Variants in ENOX1 observed in about 807,000 individuals in gnomAD.
ENOX1 encodes ecto-NOX disulfide-thiol exchanger 1.
ENOX1 carries 42 observed loss-of-function variants against 82.5 expected under a neutral mutation model. The observed-to-expected ratio is 0.51, with a 90% CI of 0.40 to 0.66. The LOEUF (loss-of-function observed/expected upper bound fraction) is 0.66. Among genes scored for constraint, ENOX1 ranks in the 30% least tolerant of loss-of-function variants. The probability of loss-of-function intolerance (pLI) is 0.00; values close to 1 mark genes in which losing one functional copy is unlikely to be tolerated. For synonymous variants in ENOX1, 271 were observed against 282.2 expected (o/e 0.96, Z 0.40); for missense variants, 608 against 811.6 (o/e 0.75, Z 3.05).
chr13:43,341,158 G>T (rs545582624), intron 9 of ENOX1, among the ~76,000 whole-genome samples: 1 of 152,014 alleles, frequency 6.6e-6, no homozygotes, highest in Non-Finnish European at 1.5e-5. Context: ...TCAGATGGGC[G>T]TGGTGGCGGG....
At chr13:43,411,005 ATGAG>A (rs969021526) in intron 5 of ENOX1, among the ~76,000 whole-genome samples, 9 of 152,186 alleles carry the variant, frequency 5.9e-5, no homozygotes, top group African/African-American at 2.2e-4. Context: ...GAATGAATGA[ATGAG>A]TGAGTGAATA....
intron 5 of ENOX1, among the ~76,000 whole-genome samples, chr13:43,409,137 AAGG>A (rs1314309849): frequency 1.3e-5 from 2 of 152,186 alleles, no homozygotes; most frequent in Admixed American, 1.3e-4. Flanking sequence ...ATAGAAAATG[AAGG>A]AGAATAAGGA....
rs185287200 is a variant in ENOX1, at chr13:43,521,089, T to C, written c.-218-36937A>G. Among the ~76,000 whole-genome samples, 12 of 152,290 alleles carry C rather than the reference T, an allele frequency of 7.9e-5. No homozygotes were observed. In the East Asian group the frequency reaches 2.1e-3, roughly 27 times the overall value. On this transcript the variant is annotated intron_variant, in intron 2 of 16. Transcript: ENST00000690772. ...TTTTCAAACAAAACCCAGAACAGCA[T>C]ACTCAACCCTACTCTCTTATTTGGA...
In ENOX1 at chr13:43,430,916, C is replaced by A. The variant is rs115397418; in HGVS notation, c.-74-17928G>T. ...TTTTCAGTCATGACCTGAAGCTGTC[C>A]TTTTGCATTGTGTGGAGAAGTTTTT... On this transcript the variant is annotated intron_variant, in intron 3 of 16. Coordinates refer to ENST00000690772, the MANE Select transcript of ENOX1 (RefSeq NM_001347969.2). Among the ~76,000 whole-genome samples, 659 of 152,224 alleles carry A rather than the reference C, an allele frequency of 4.3e-3. 5 individuals are homozygous for A. The highest frequency in any genetic ancestry group is 0.015 in the African/African-American group (624 of 41,546).
intron 14 of ENOX1, among the ~76,000 whole-genome samples, chr13:43,256,678 T>C (rs1344206077): frequency 1.3e-5 from 2 of 152,144 alleles, no homozygotes; most frequent in East Asian, 3.9e-4. Context: ...CAGTAAGGAT[T>C]TGAAGAAAGG....
chr13:43,364,706 AT>A (rs1566611236), intron 5 of ENOX1, among the ~76,000 whole-genome samples: 1 of 152,070 alleles, frequency 6.6e-6, no homozygotes, highest in Non-Finnish European at 1.5e-5. Context: ...TTAAAGATCC[AT>A]TCAGCATTTC....
rs1195090850 is a variant in ENOX1 at position 43,310,192 on chromosome 13, C to T, written c.1262-11662G>A. ...CTACCCTGGTGACAGAGCGAGATTC[C>T]ATCTCAAAAAAAAAAAAAAAAAAAA... is the stretch of plus-strand genomic sequence containing the variant. On this transcript the variant is annotated intron_variant, in intron 11 of 16. Coordinates refer to ENST00000690772, the MANE Select transcript of ENOX1 (RefSeq NM_001347969.2). Among the ~76,000 whole-genome samples the T allele has an allele frequency of 1.4e-3, 70 of 50,890 alleles. 4 individuals are homozygous for T. Among genetic ancestry groups the T allele is most frequent in the African/African-American group, 5.0e-3 (65 of 12,884 alleles). 33.4% of individuals were successfully genotyped at this position (50,890 alleles called of 152,430 possible).
chr13:43,713,227 G>T (rs200216498), intron 1 of ENOX1, among the ~76,000 whole-genome samples: 17,330 of 152,024 alleles, frequency 0.11, 1,770 homozygotes, highest in African/African-American at 0.27. Flanking sequence ...ATTGATTTGT[G>T]TATATTGAAC....
chr13:43,477,958 G>T (rs1012251417), intron 3 of ENOX1, among the ~76,000 whole-genome samples: 1 of 151,870 alleles, frequency 6.6e-6, no homozygotes, highest in African/African-American at 2.4e-5. Flanking sequence ...TCATTCACTG[G>T]GTGCTGGGGG....
chr13:43,783,101 C>T (rs1248730065), intron 1 of ENOX1, among the ~76,000 whole-genome samples: 1 of 152,158 alleles, frequency 6.6e-6, no homozygotes, highest in Non-Finnish European at 1.5e-5. Flanking sequence ...CCAATACAAT[C>T]TTGAGTCTCA....
chr13:43,248,874 T>C (rs914111556), intron 14 of ENOX1, among the ~76,000 whole-genome samples: 2 of 152,172 alleles, frequency 1.3e-5, no homozygotes, highest in African/African-American at 4.8e-5. Context: ...TACACATACA[T>C]GTATATATTG....
intron 11 of ENOX1, among the ~76,000 whole-genome samples, chr13:43,310,818 C>G (rs1397660735): frequency 6.6e-6 from 1 of 151,994 alleles, no homozygotes; most frequent in Non-Finnish European, 1.5e-5. Flanking sequence ...GTCATTACCT[C>G]TTTAATTCAA....
intron 10 of ENOX1, among the ~76,000 whole-genome samples, chr13:43,324,358 T>A (rs1469777300): frequency 1.3e-5 from 2 of 151,936 alleles, no homozygotes; most frequent in Non-Finnish European, 2.9e-5. Flanking sequence ...AAAAAAAAAT[T>A]GAGGAAAAAG....
intron 2 of ENOX1, chr13:43,544,403 A>G (rs1412108009): frequency 1.3e-5 from 2 of 152,180 alleles, no homozygotes; most frequent in Non-Finnish European, 2.9e-5. Flanking sequence ...GAATTATAAT[A>G]AAATGAGAAC....
chr13:43,378,886 C>T (rs1348900300), intron 5 of ENOX1, among the ~76,000 whole-genome samples: 2 of 152,074 alleles, frequency 1.3e-5, no homozygotes, highest in Non-Finnish European at 2.9e-5. Flanking sequence ...GATTGCTAAT[C>T]AGCTAACTTT....
At chr13:43,511,592 G>A (rs974757200) in intron 2 of ENOX1, among the ~76,000 whole-genome samples, 1 of 152,126 alleles carries the variant, frequency 6.6e-6, no homozygotes, top group African/African-American at 2.4e-5. Flanking sequence ...CTTTCAGTTA[G>A]AACTTACTAA....
intron 3 of ENOX1, among the ~76,000 whole-genome samples, chr13:43,423,266 T>C (rs972659319): frequency 3.8e-4 from 58 of 152,280 alleles, no homozygotes; most frequent in African/African-American, 1.4e-3. Flanking sequence ...TGTTTTCTAC[T>C]TTCCAAAATA....
chr13:43,413,680 A>T (rs764242700), intron 3 of ENOX1, among the ~76,000 whole-genome samples: 167 of 143,746 alleles, frequency 1.2e-3, no homozygotes, highest in Non-Finnish European at 2.1e-3. Flanking sequence ...AGAATTGCCC[A>T]GCTTATATAT....
At chr13:43,756,513 A>G (rs1950649119) in intron 1 of ENOX1, among the ~76,000 whole-genome samples, 1 of 68,920 alleles carries the variant, frequency 1.5e-5, no homozygotes, top group African/African-American at 5.8e-5. Context: ...GAGGGAAAGG[A>G]GAGGGGAGGG....
Sources: gnomAD v4.1 joint callset for allele counts (sites outside exome capture counted in the v4.1 genomes callset) on GRCh38, gnomAD v4.1.1 for gene constraint, MANE v1.5 for transcripts, NCBI Gene and HGNC (gene_info 2026-07-23, HGNC 2026-07-21) for gene names.